The following VIPR2 variants were observed in gnomAD, a reference collection of about 807,000 sequenced individuals.
The protein encoded by VIPR2 is vasoactive intestinal polypeptide receptor 2.
A neutral mutation model predicts 58.0 loss-of-function variants in VIPR2; 48 were observed. The observed-to-expected ratio is 0.83, with a 90% CI of 0.66 to 1.05. The LOEUF is 1.05. Among genes scored for constraint, VIPR2 ranks in the 50% least tolerant of loss-of-function variants. VIPR2 has a pLI of 0.00. For synonymous variants in VIPR2, 243 were observed against 235.2 expected (o/e 1.03, Z -0.30); for missense variants, 534 against 558.0 (o/e 0.96, Z 0.43).
At chr7:159,094,955 A>G (rs1401242535) in intron 4 of VIPR2, among the ~76,000 whole-genome samples, 2 of 152,136 alleles carry the variant, frequency 1.3e-5, no homozygotes, top group African/African-American at 4.8e-5. Flanking sequence ...AAATATTTGT[A>G]CTTTGCTTTA....
intron 4 of VIPR2, among the ~76,000 whole-genome samples, chr7:159,073,129 A>T (rs185556143): frequency 1.3e-5 from 2 of 152,398 alleles, no homozygotes; most frequent in East Asian, 3.9e-4. Context: ...AAAAAGCACA[A>T]CATCTTATTT....
At chr7:159,036,705 C>T (rs777779063) in intron 7 of VIPR2, 47 bp downstream of exon 7, 22 of 1,575,246 alleles carry the variant, frequency 1.4e-5, no homozygotes, top group South Asian at 6.9e-5. Flanking sequence ...TTGTTTGGTC[C>T]GATGGGATGG....
chr7:159,108,247 C>A (rs774946247), intron 3 of VIPR2, among the ~76,000 whole-genome samples: 1 of 152,240 alleles, frequency 6.6e-6, no homozygotes, highest in East Asian at 1.9e-4. Context: ...CAGCCCTGCT[C>A]GGCCCCCAGT....
At position 159,037,298 on chromosome 7, in the gene VIPR2, C is replaced by T. The variant is rs1444314874; in HGVS notation, c.598-396G>A. ...ACGGGAACCCCCGCAGTGGTCCTGC[C>T]GGCCAGCAAAGAACCAGAAGAGCCG... On this transcript the variant is annotated intron_variant, in intron 6 of 12. Transcript: ENST00000262178. Among the ~76,000 whole-genome samples the T allele has an allele frequency of 3.3e-5, 5 of 152,310 alleles. No homozygotes were observed. The South Asian group carries it at 6.2e-4, about 19-fold the overall frequency.
At chr7:159,075,125 A>G (rs149067472) in intron 4 of VIPR2, among the ~76,000 whole-genome samples, 52 of 152,364 alleles carry the variant, frequency 3.4e-4, no homozygotes, top group African/African-American at 1.3e-3. Flanking sequence ...TGCTTTTGAA[A>G]AGTTTAGGAT....
intron 6 of VIPR2, among the ~76,000 whole-genome samples, chr7:159,038,072 A>T (rs1169590490): frequency 6.6e-6 from 1 of 152,138 alleles, no homozygotes; most frequent in Non-Finnish European, 1.5e-5. Flanking sequence ...GGGTATACTT[A>T]TATATATGGG....
intron 4 of VIPR2, among the ~76,000 whole-genome samples, chr7:159,063,523 C>T (rs1416276651): frequency 6.6e-6 from 1 of 152,006 alleles, no homozygotes; most frequent in Non-Finnish European, 1.5e-5. Context: ...CTCCACACCT[C>T]CCTGCAAGCT....
intron 6 of VIPR2, among the ~76,000 whole-genome samples, chr7:159,040,488 C>A (rs1367141795): frequency 6.6e-6 from 1 of 152,342 alleles, no homozygotes; most frequent in East Asian, 1.9e-4. Flanking sequence ...GAATAAAGGG[C>A]AGGTTTGCTC....
intron 4 of VIPR2, among the ~76,000 whole-genome samples, chr7:159,086,517 C>A (rs938167695): frequency 6.6e-6 from 1 of 152,248 alleles, no homozygotes; most frequent in Non-Finnish European, 1.5e-5. Flanking sequence ...CCAGGAAGGG[C>A]TGAGGCTGGG....
chr7:159,128,567 CCTT>C lies in VIPR2; in HGVS notation c.151+13876_151+13878del, dbSNP rs1354082888. 1.3e-5 allele frequency among the ~76,000 whole-genome samples: 2 copies of C among 152,170 alleles called. No homozygotes were observed. The highest frequency in any genetic ancestry group is 2.4e-5 in the African/African-American group (1 of 41,420). ...GGCACTTTCCTCGCCTCTGACCCTG[CCTT>C]CTTTGCTCTCCATGAAATTTCAGGA... On this transcript the variant is annotated intron_variant, in intron 2 of 12. Coordinates refer to ENST00000262178, the MANE Select transcript of VIPR2 (RefSeq NM_003382.5). This position sits in a 1 kb window ranked among gnomAD's most constrained non-coding sequence, Gnocchi z 4.1.
In VIPR2 at chr7:159,113,971, G is replaced by GC. The variant is rs568212075; in HGVS notation, c.152-4053dup. ...GGCTGAGAACTGGGGATGACGAGGG[G>GC]CCGGAGACTATTATCTTCATACAGC... On this transcript the variant is annotated intron_variant, in intron 2 of 12. Coordinates refer to ENST00000262178, the MANE Select transcript of VIPR2 (RefSeq NM_003382.5). Among the ~76,000 whole-genome samples, 24 of 152,300 alleles carry GC rather than the reference G, an allele frequency of 1.6e-4. No individual in the cohort carries two copies. In the East Asian group the frequency reaches 3.7e-3, roughly 23 times the overall value.
At chr7:159,100,055 T>C (rs931576735) in intron 4 of VIPR2, among the ~76,000 whole-genome samples, 10 of 152,092 alleles carry the variant, frequency 6.6e-5, no homozygotes, top group African/African-American at 1.9e-4. Context: ...CTGGATGCCA[T>C]GGGGGACAGC....
At chr7:159,064,367 G>A (rs775278442) in intron 4 of VIPR2, among the ~76,000 whole-genome samples, 176 of 152,136 alleles carry the variant, frequency 1.2e-3, no homozygotes, top group Non-Finnish European at 2.2e-3. Context: ...GAACCCTCCG[G>A]GACGGGACCG....
At position 159,030,765 on chromosome 7, in the gene VIPR2, A is replaced by T. The variant is rs1437754200; in HGVS notation, c.1168T>A (p.Trp390Arg). Residue 390 changes from tryptophan to arginine, a missense_variant, in exon 13 of 13, where the codon TGG becomes AGG. Transcript: ENST00000262178. ...SEVQCELKRK[W>R]RSRCPTPSAS... is the part of the protein sequence containing the mutation. ...GACGGGGTCGGGCACCGGCTTCGCC[A>T]TTTTCGCTTCAGCTCGCACTGCACC... 1.3e-6 allele frequency: 2 copies of T among 1,593,854 alleles called. No homozygotes were observed. Among genetic ancestry groups the T allele is most frequent in the Non-Finnish European group, 1.7e-6 (2 of 1,171,472 alleles).
intron 4 of VIPR2, among the ~76,000 whole-genome samples, chr7:159,101,681 G>C (rs56102171): frequency 2.9e-5 from 4 of 137,710 alleles, no homozygotes; most frequent in African/African-American, 1.2e-4. Flanking sequence ...GTAGTGAACG[G>C]GTCTCACGAG....
chr7:159,064,581 T>C (rs1374778277), intron 4 of VIPR2, among the ~76,000 whole-genome samples: 2 of 152,060 alleles, frequency 1.3e-5, no homozygotes, highest in African/African-American at 4.8e-5. Context: ...GCTTCGAGGT[T>C]GTCAGCAGCA....
chr7:159,117,508 C>G lies in VIPR2; in HGVS notation c.152-7589G>C. ...CAGAGGTGGGGCTGCACCTGCTGACCTGAGTCATGGACACAGATGGGTGCA... is the reference window on the plus strand; with the variant it reads ...CAGAGGTGGGGCTGCACCTGCTGACGTGAGTCATGGACACAGATGGGTGCA... On this transcript the variant is annotated intron_variant, in intron 2 of 12. Coordinates refer to ENST00000262178, the MANE Select transcript of VIPR2 (RefSeq NM_003382.5). The G allele has an allele frequency of 1.5e-5, 10 of 687,622 alleles. No homozygotes were observed. In the South Asian group the frequency reaches 1.6e-4, roughly 11 times the overall value. 42.6% of individuals were successfully genotyped at this position (687,622 alleles called of 1,614,324 possible).
chr7:159,048,832 C>T (rs1029097260), intron 5 of VIPR2, among the ~76,000 whole-genome samples: 6 of 152,146 alleles, frequency 3.9e-5, no homozygotes, highest in Admixed American at 1.3e-4. Flanking sequence ...CCACAGCCAG[C>T]GTGCACTCAG....
chr7:159,086,875 G>A (rs975868132), intron 4 of VIPR2, among the ~76,000 whole-genome samples: 2 of 152,222 alleles, frequency 1.3e-5, no homozygotes, highest in Non-Finnish European at 2.9e-5. Flanking sequence ...GCATCTTGGA[G>A]GCTGGTTGTG....
Sources: allele counts gnomAD v4.1 joint callset (sites outside exome capture counted in the v4.1 genomes callset), GRCh38; gene constraint gnomAD v4.1.1; non-coding constraint Gnocchi (gnomAD v3.1); transcripts MANE v1.5; gene names NCBI Gene and HGNC (gene_info 2026-07-23, HGNC 2026-07-21).